FAM24B: variants seen among roughly 807,000 people sequenced by gnomAD.
The protein encoded by FAM24B is family with sequence similarity 24 member B.
FAM24B carries 3 observed loss-of-function variants against 2.3 expected under a neutral mutation model. That is an observed-to-expected ratio of 1.29 (90% CI 0.59 to 3.32). The LOEUF (loss-of-function observed/expected upper bound fraction) is 3.32. Among genes scored for constraint, FAM24B ranks in the 30% most tolerant of loss-of-function variants. FAM24B has a pLI of 0.03. For synonymous variants in FAM24B, 36 were observed against 46.3 expected, an observed-to-expected ratio of 0.78 and a Z score of 0.90; for missense variants, 98 against 117.2, an observed-to-expected ratio of 0.84 and a Z score of 0.76.
chr10:122,852,846 A>G (rs1847566585), intron 2 of FAM24B, among the ~76,000 whole-genome samples: 1 of 152,016 alleles, frequency 6.6e-6, no homozygotes, highest in South Asian at 2.1e-4. Context: ...AGCTTTTTCT[A>G]TGGTGTTTGC....
intron 1 of FAM24B, among the ~76,000 whole-genome samples, chr10:122,871,648 C>G (rs1343185375): frequency 6.6e-6 from 1 of 152,162 alleles, no homozygotes; most frequent in Non-Finnish European, 1.5e-5. Context: ...CTACAACTAT[C>G]TGATCTTTGA....
At chr10:122,867,427 A>G (rs918813081) in intron 1 of FAM24B, among the ~76,000 whole-genome samples, 1 of 152,218 alleles carries the variant, frequency 6.6e-6, no homozygotes, top group African/African-American at 2.4e-5. Flanking sequence ...CCTGTCTGAC[A>G]GCTTTGAAGA....
chr10:122,852,126 T>G (rs12782562), intron 2 of FAM24B, among the ~76,000 whole-genome samples: 1,776 of 151,914 alleles, frequency 0.012, 13 homozygotes, highest in South Asian at 0.02. Flanking sequence ...GGCTTGGGAG[T>G]CATCATTCCC....
Position 122,852,286 on chromosome 10 carries a change from G to A in FAM24B, c.-35-1736C>T, listed in dbSNP as rs553291301. Among the ~76,000 whole-genome samples the A allele has an allele frequency of 7.9e-5, 12 of 152,334 alleles. No homozygotes were observed. The South Asian group carries it at 2.3e-3, about 29-fold the overall frequency. ...GAATACAGAGAATCCCAGCTTAGGA[G>A]CAGAAGCCATTGCCAGAGCCAGCAA... On this transcript the variant is annotated intron_variant, in intron 2 of 3. Coordinates refer to ENST00000368898, the MANE Select transcript of FAM24B (RefSeq NM_152644.3).
At chr10:122,862,223 C>T (rs769323227) in intron 1 of FAM24B, among the ~76,000 whole-genome samples, 3 of 152,206 alleles carry the variant, frequency 2.0e-5, no homozygotes, top group Non-Finnish European at 4.4e-5. Flanking sequence ...CCCCCACCTA[C>T]AAGACACCCT....
At chr10:122,857,427 C>A (rs1204616626) in intron 1 of FAM24B, among the ~76,000 whole-genome samples, 2 of 152,180 alleles carry the variant, frequency 1.3e-5, no homozygotes, top group African/African-American at 4.8e-5. Flanking sequence ...AGCCAACGAG[C>A]TTTGCTGCAA....
chr10:122,858,955 C>CT (rs1032263810), intron 1 of FAM24B, among the ~76,000 whole-genome samples: 2 of 152,178 alleles, frequency 1.3e-5, no homozygotes, highest in Non-Finnish European at 2.9e-5. Context: ...AGGAAAGATG[C>CT]TTTTTTCTTC....
At position 122,849,357 on chromosome 10, in the gene FAM24B, T is replaced by C; in HGVS notation, c.175A>G (p.Thr59Ala). 6.2e-7 allele frequency: 1 copy of C among 1,613,162 alleles called. No individual in the cohort carries two copies. Among genetic ancestry groups the C allele is most frequent in the Non-Finnish European group, 8.5e-7 (1 of 1,179,584 alleles). The change falls in exon 4 of 4, where the codon ACC (threonine) becomes GCC (alanine). Residue 59 changes from threonine (T) to alanine (A), a missense_variant. Coordinates refer to ENST00000368898, the MANE Select transcript of FAM24B (RefSeq NM_152644.3). ...VWWAKNSQAK[T>A]IATESCPALQ... ...GCAGGACAAGACTCCGTGGCAATGG[T>C]TTTGGCCTGGCTGTTCTTGGCCCAC... is the stretch of plus-strand genomic sequence containing the variant.
chr10:122,856,210 T>C (rs1448508650), intron 1 of FAM24B, among the ~76,000 whole-genome samples: 1 of 152,106 alleles, frequency 6.6e-6, no homozygotes, highest in Non-Finnish European at 1.5e-5. Context: ...CATGGCACAT[T>C]ACAAGGAGAC....
intron 1 of FAM24B, among the ~76,000 whole-genome samples, chr10:122,872,752 C>T (rs1010814537): frequency 1.3e-5 from 2 of 151,570 alleles, no homozygotes; most frequent in African/African-American, 4.9e-5. Context: ...CACATGGACA[C>T]AGGAAGGGGA....
Position 122,850,421 on chromosome 10 carries a change from CACTT to C in FAM24B, c.91_92+2del, listed in dbSNP as rs1847510408. ...CGTTGTTTATTTTGAACTTGTGACT[CACTT>C]TAGCGCGTTGTGTATTTTGAAGTAA... is the stretch of plus-strand genomic sequence containing the variant. On this transcript the variant is annotated splice_donor_variant and coding_sequence_variant, in exon 3 of 4. Coordinates refer to ENST00000368898, the MANE Select transcript of FAM24B (RefSeq NM_152644.3). LOFTEE classifies it high-confidence loss of function. 4 of 1,612,920 alleles carry C rather than the reference CACTT, an allele frequency of 2.5e-6. No individual in the cohort carries two copies. The highest frequency in any genetic ancestry group is 3.4e-6 in the Non-Finnish European group (4 of 1,179,046).
At chr10:122,870,518 A>T (rs1421226589) in intron 1 of FAM24B, among the ~76,000 whole-genome samples, 5 of 152,236 alleles carry the variant, frequency 3.3e-5, no homozygotes, top group Non-Finnish European at 7.3e-5. Flanking sequence ...CTTGATGAAC[A>T]TTGATGCAAA....
chr10:122,875,980 G>A (rs746348376), intron 1 of FAM24B, among the ~76,000 whole-genome samples: 4 of 152,192 alleles, frequency 2.6e-5, no homozygotes, highest in Non-Finnish European at 4.4e-5. Flanking sequence ...ACGCCACTGA[G>A]CATGCAGACA....
chr10:122,872,194 A>G (rs1037405366), intron 1 of FAM24B, among the ~76,000 whole-genome samples: 1 of 152,248 alleles, frequency 6.6e-6, no homozygotes, highest in African/African-American at 2.4e-5. Flanking sequence ...AATGCTCATC[A>G]TCACTGGCCA....
intron 1 of FAM24B, among the ~76,000 whole-genome samples, 181 bp from the exon 2 acceptor site, chr10:122,855,967 G>A (rs549541877): frequency 1.3e-5 from 2 of 152,348 alleles, no homozygotes; most frequent in South Asian, 4.1e-4. Flanking sequence ...CAGCGCTGAC[G>A]CACAGAGCCA....
At chr10:122,867,975 A>G (rs1233576102) in intron 1 of FAM24B, among the ~76,000 whole-genome samples, 1 of 152,228 alleles carries the variant, frequency 6.6e-6, no homozygotes, top group Non-Finnish European at 1.5e-5. Context: ...GGAAGGCTTC[A>G]GAAGATCAAA....
chr10:122,877,437 A>C (rs939377500), intron 1 of FAM24B, among the ~76,000 whole-genome samples: 2 of 151,978 alleles, frequency 1.3e-5, no homozygotes, highest in Non-Finnish European at 2.9e-5. Context: ...ACATTGAGTC[A>C]CTTCTGGGTG....
At chr10:122,870,375 C>T (rs1847874473) in intron 1 of FAM24B, among the ~76,000 whole-genome samples, 1 of 152,148 alleles carries the variant, frequency 6.6e-6, no homozygotes, top group Non-Finnish European at 1.5e-5. Context: ...GAGCTGGTAC[C>T]ATTCCTTCTG....
intron 1 of FAM24B, among the ~76,000 whole-genome samples, chr10:122,871,143 C>T (rs1372668235): frequency 6.6e-6 from 1 of 152,028 alleles, no homozygotes; most frequent in East Asian, 1.9e-4. Context: ...ACACCAACAA[C>T]AGACAAACAG....
Sources: gnomAD v4.1 joint callset for allele counts (sites outside exome capture counted in the v4.1 genomes callset) on GRCh38, gnomAD v4.1.1 for gene constraint, MANE v1.5 for transcripts, NCBI Gene and HGNC (gene_info 2026-07-23, HGNC 2026-07-21) for gene names.